XKR9: variants seen among roughly 807,000 people sequenced by gnomAD.
XKR9 encodes XK related 9.
In XKR9, 32 loss-of-function variants were observed where a neutral mutation model predicts 32.0. The ratio of observed to expected loss-of-function variants is 1.00; its 90% CI spans 0.76 to 1.34. XKR9 has a LOEUF of 1.34. Ranked by LOEUF, XKR9 falls within the 40% of genes most tolerant of loss-of-function variation. The pLI is 0.00. For missense variants in XKR9, 546 were observed against 429.7 expected, an observed-to-expected ratio of 1.27 and a Z score of -2.39; for synonymous variants, 168 against 143.4, an observed-to-expected ratio of 1.17 and a Z score of -1.22.
intron 2 of XKR9, chr8:70,789,266 G>T (rs995910760): frequency 2.0e-5 from 3 of 151,882 alleles, no homozygotes; most frequent in Admixed American, 6.6e-5. Context: ...TAGAATTAAG[G>T]CCTAGGAGAC....
intron 2 of XKR9, among the ~76,000 whole-genome samples, chr8:70,780,388 C>T (rs775571892): frequency 1.3e-4 from 20 of 152,054 alleles, no homozygotes; most frequent in East Asian, 3.9e-4. Context: ...TTCTTCAAAA[C>T]GTTGTTTTAG....
the XKR9 span, among the ~76,000 whole-genome samples, chr8:71,013,704 A>G: frequency 6.6e-6 from 1 of 152,148 alleles, no homozygotes; most frequent in Admixed American, 6.5e-5. Context: ...TGGTAAAGCA[A>G]TGAGAATGGT....
chr8:70,981,764 G>A, the XKR9 span, among the ~76,000 whole-genome samples: 1 of 152,120 alleles, frequency 6.6e-6, no homozygotes, highest in African/African-American at 2.4e-5. Context: ...TCTCGTTTGT[G>A]TAGACTATGC....
At chr8:70,812,237 A>T in the XKR9 span, among the ~76,000 whole-genome samples, 1 of 152,218 alleles carries the variant, frequency 6.6e-6, no homozygotes, top group Non-Finnish European at 1.5e-5. Context: ...GACAAAATTC[A>T]ACAACCCTTC....
At chr8:70,990,873 G>A in the XKR9 span, among the ~76,000 whole-genome samples, 1 of 152,186 alleles carries the variant, frequency 6.6e-6, no homozygotes, top group Non-Finnish European at 1.5e-5. Context: ...TGGGTATGGA[G>A]ACTCACCCCT....
intron 2 of XKR9, among the ~76,000 whole-genome samples, chr8:70,768,673 TA>T (rs1416923982): frequency 6.6e-6 from 1 of 152,178 alleles, no homozygotes; most frequent in Non-Finnish European, 1.5e-5. Flanking sequence ...CCTTTACCAT[TA>T]AGTAATGCCC....
the XKR9 span, among the ~76,000 whole-genome samples, chr8:70,839,408 C>G: frequency 6.6e-6 from 1 of 152,112 alleles, no homozygotes; most frequent in African/African-American, 2.4e-5. Flanking sequence ...GATTAGGATT[C>G]TCAGAGATTT....
chr8:70,753,848 A>C (rs1326644484), intron 2 of XKR9, among the ~76,000 whole-genome samples: 2 of 148,822 alleles, frequency 1.3e-5, no homozygotes, highest in Non-Finnish European at 3.0e-5. Flanking sequence ...CCCTTTGAAA[A>C]CTGGCACAAG....
chr8:70,720,546 G>C (rs1806244511), intron 4 of XKR9, among the ~76,000 whole-genome samples: 1 of 152,078 alleles, frequency 6.6e-6, no homozygotes, highest in South Asian at 2.1e-4. Flanking sequence ...TTCTGCATCT[G>C]TTGAGATAAT....
At chr8:70,760,755 G>A (rs559195786) in intron 2 of XKR9, among the ~76,000 whole-genome samples, 1 of 152,116 alleles carries the variant, frequency 6.6e-6, no homozygotes, top group Non-Finnish European at 1.5e-5. Flanking sequence ...GGATGTGCAG[G>A]TTTGTTACAT....
the XKR9 span, among the ~76,000 whole-genome samples, chr8:70,851,422 G>GA: frequency 3.3e-5 from 5 of 152,034 alleles, no homozygotes; most frequent in African/African-American, 9.7e-5. Context: ...CACAGAATTA[G>GA]AAAAAACTAC....
chr8:70,965,077 G>T, the XKR9 span, among the ~76,000 whole-genome samples: 1 of 152,130 alleles, frequency 6.6e-6, no homozygotes, highest in African/African-American at 2.4e-5. Flanking sequence ...GATATTAGCT[G>T]TGGGTTTGTC....
At chr8:70,969,874 C>T in the XKR9 span, among the ~76,000 whole-genome samples, 1 of 152,098 alleles carries the variant, frequency 6.6e-6, no homozygotes. Flanking sequence ...ACACTATGCC[C>T]AGTGTGTAGT....
chr8:70,824,467 T>A, the XKR9 span, among the ~76,000 whole-genome samples: 1 of 152,106 alleles, frequency 6.6e-6, no homozygotes, highest in Non-Finnish European at 1.5e-5. Flanking sequence ...CTAAATTTTC[T>A]CATACCACCT....
At chr8:70,933,059 C>A in the XKR9 span, among the ~76,000 whole-genome samples, 3 of 152,206 alleles carry the variant, frequency 2.0e-5, no homozygotes, top group East Asian at 5.8e-4. Flanking sequence ...GGCCTACCTT[C>A]TTCCTGGGGC....
chr8:70,773,108 A>G (rs1807475597), intron 2 of XKR9, among the ~76,000 whole-genome samples: 1 of 152,198 alleles, frequency 6.6e-6, no homozygotes, highest in African/African-American at 2.4e-5. Context: ...AAAGGCTCCA[A>G]TATTTTGATT....
chr8:70,914,035 A>G, the XKR9 span, among the ~76,000 whole-genome samples: 1 of 152,176 alleles, frequency 6.6e-6, no homozygotes, highest in Admixed American at 6.5e-5. Context: ...TGATATGAAC[A>G]TTTAAAAATA....
intron 2 of XKR9, among the ~76,000 whole-genome samples, chr8:70,764,418 G>A (rs543984395): frequency 2.6e-4 from 39 of 152,058 alleles, no homozygotes; most frequent in Non-Finnish European, 5.0e-4. Flanking sequence ...TTGTTCTTTT[G>A]CTGCTTTCTC....
intron 4 of XKR9, among the ~76,000 whole-genome samples, chr8:70,719,462 A>G (rs1262131174): frequency 1.3e-5 from 2 of 152,176 alleles, no homozygotes; most frequent in East Asian, 1.9e-4. Context: ...TCTTTAATCC[A>G]TCTTGAGTTA....
Sources: gnomAD v4.1 joint callset for allele counts (sites outside exome capture counted in the v4.1 genomes callset) on GRCh38, gnomAD v4.1.1 for gene constraint, MANE v1.5 for transcripts, NCBI Gene and HGNC (gene_info 2026-07-23, HGNC 2026-07-21) for gene names.